The following SLC5A12 variants were observed in gnomAD, a reference collection of about 807,000 sequenced individuals.
SLC5A12 encodes the protein solute carrier family 5 member 12.
SLC5A12 carries 46 observed loss-of-function variants against 72.7 expected under a neutral mutation model. The observed-to-expected ratio is 0.63, with a 90% CI of 0.50 to 0.81. SLC5A12 has a LOEUF of 0.81. Ranked by LOEUF, SLC5A12 falls within the 30% of genes least tolerant of loss-of-function variation. The pLI is 0.00. For synonymous variants in SLC5A12, 275 were observed against 264.4 expected, an observed-to-expected ratio of 1.04 and a Z score of -0.39; for missense variants, 683 against 740.7, an observed-to-expected ratio of 0.92 and a Z score of 0.90.
chr11:26,716,900 T>C (rs1855363406), intron 1 of SLC5A12, among the ~76,000 whole-genome samples: 1 of 152,130 alleles, frequency 6.6e-6, no homozygotes, highest in Non-Finnish European at 1.5e-5. Context: ...CCTCTTAACA[T>C]ACAAATCCCA....
chr11:26,718,952 A>G lies in SLC5A12; in HGVS notation c.339+2424T>C, dbSNP rs750875931. Among the ~76,000 whole-genome samples the G allele has an allele frequency of 5.3e-4, 81 of 152,200 alleles. 2 individuals are homozygous for G. The highest frequency in any genetic ancestry group is 1.9e-4 in the Non-Finnish European group (13 of 68,038). ...GGCAAAAATAGTAAATATTTTAAAA[A>G]CAATTTAGTAAATTAAATTCAATGA... On this transcript the variant is annotated intron_variant, in intron 1 of 14. Transcript: ENST00000396005.
intron 4 of SLC5A12, among the ~76,000 whole-genome samples, chr11:26,704,821 T>C (rs1293221778): frequency 6.6e-6 from 1 of 152,038 alleles, no homozygotes; most frequent in Non-Finnish European, 1.5e-5. Context: ...CTAGAAACAC[T>C]CTTTGCAAAA....
chr11:26,671,508 A>G (rs1854142641), intron 14 of SLC5A12, among the ~76,000 whole-genome samples: 2 of 152,114 alleles, frequency 1.3e-5, no homozygotes, highest in African/African-American at 4.8e-5. Context: ...GAAGAAATTT[A>G]TATACCTCTC....
Position 26,704,263 on chromosome 11 carries a change from G to C in SLC5A12, c.526-316C>G, listed in dbSNP as rs540671530. 1.1e-4 allele frequency among the ~76,000 whole-genome samples: 16 copies of C among 152,276 alleles called. No individual in the cohort carries two copies. The South Asian group carries it at 3.3e-3, about 32-fold the overall frequency. The stretch of plus-strand genomic sequence containing the variant: ...TTACTATAGGAGCATAAAACAGGGA[G>C]CCCTGACCTGGTCTTGAGGAAATGA... On this transcript the variant is annotated intron_variant, in intron 4 of 14. Transcript: ENST00000396005.
intron 10 of SLC5A12, among the ~76,000 whole-genome samples, chr11:26,686,175 A>G (rs1237682170): frequency 6.6e-6 from 1 of 152,154 alleles, no homozygotes; most frequent in Non-Finnish European, 1.5e-5. Context: ...AAATTCTCAG[A>G]TCAGAATTTT....
intron 4 of SLC5A12, among the ~76,000 whole-genome samples, chr11:26,706,440 G>A (rs80287559): frequency 0.034 from 5,121 of 151,974 alleles, 278 homozygotes; most frequent in African/African-American, 0.11. Context: ...CCAGTTAGAA[G>A]GTAGTTTATT....
chr11:26,672,860 C>T (rs1590703354), intron 14 of SLC5A12, among the ~76,000 whole-genome samples: 1 of 152,242 alleles, frequency 6.6e-6, no homozygotes, highest in Admixed American at 6.5e-5. Flanking sequence ...TTTGCCTGTA[C>T]ATTCCCACCA....
chr11:26,673,407 C>T lies in SLC5A12; in HGVS notation c.1702G>A (p.Glu568Lys). 6.3e-7 allele frequency: 1 copy of T among 1,583,154 alleles called. No homozygotes were observed. Among genetic ancestry groups the T allele is most frequent in the Non-Finnish European group, 8.6e-7 (1 of 1,166,000 alleles). The change falls in exon 14 of 15, where the codon GAG (glutamate) becomes AAG (lysine). Residue 568 changes from glutamate to lysine, a missense_variant. By Grantham distance (56) the Glu-to-Lys change is moderately conservative (BLOSUM62 1). Transcript: ENST00000396005. ...WCGVQHDSGT[E>K]QENLENGSAR... ...AAGCTCAAACATCAGCTCACCTGCTCTGTCCCACTGTCATGCTGAACTCCA... is the reference window on the plus strand; with the variant it reads ...AAGCTCAAACATCAGCTCACCTGCTTTGTCCCACTGTCATGCTGAACTCCA...
rs1000696787 is a variant in SLC5A12 at position 26,669,124 on chromosome 11, CTGT to C, written c.*1975_*1977del. The C allele has an allele frequency of 3.5e-5, 5 of 143,650 alleles. No individual in the cohort carries two copies. Among genetic ancestry groups the C allele is most frequent in the East Asian group, 2.3e-4 (1 of 4,404 alleles). The allele number at this position is 143,650 out of a possible 1,614,324, so 8.9% of individuals were successfully genotyped here. A position where few individuals can be genotyped will look rare whatever the true frequency, so the allele number is the denominator to read the frequency against. On this transcript the variant is annotated 3_prime_UTR_variant, in exon 15 of 15. Transcript: ENST00000396005. ...TAATTTATTCTCATCCTCAGAATTG[CTGT>C]TTTTTTATTCTTTCTGTCTCTCTCT... is the stretch of plus-strand genomic sequence containing the variant.
At chr11:26,696,823 A>T (rs776287747) in intron 8 of SLC5A12, among the ~76,000 whole-genome samples, 2 of 152,226 alleles carry the variant, frequency 1.3e-5, no homozygotes, top group Non-Finnish European at 2.9e-5. Flanking sequence ...TGTAAAGGTG[A>T]TACAAAAGTG....
intron 6 of SLC5A12, among the ~76,000 whole-genome samples, chr11:26,701,783 C>CAT (rs1448534017): frequency 1.3e-5 from 2 of 152,072 alleles, no homozygotes; most frequent in South Asian, 2.1e-4. Context: ...TACACACTCA[C>CAT]ATATATATAT....
chr11:26,710,518 AC>A (rs1855199412), intron 3 of SLC5A12, among the ~76,000 whole-genome samples: 1 of 151,488 alleles, frequency 6.6e-6, no homozygotes, highest in South Asian at 2.1e-4. Flanking sequence ...GTTGTTTCCT[AC>A]CTTTTTAATG....
rs1169288780 is a variant in SLC5A12, at chr11:26,667,456, G to T, written c.*3646C>A. ...TTGTTTCTCTTTAGAATGAAATGGTGTAACCCTATAAAGCCACAAAATAGT... is the reference window on the plus strand; with the variant it reads ...TTGTTTCTCTTTAGAATGAAATGGTTTAACCCTATAAAGCCACAAAATAGT... On this transcript the variant is annotated 3_prime_UTR_variant, in exon 15 of 15. Coordinates refer to ENST00000396005, the MANE Select transcript of SLC5A12 (RefSeq NM_178498.4). 6.6e-6 allele frequency: 1 copy of T among 151,908 alleles called. No homozygotes were observed. Among genetic ancestry groups the T allele is most frequent in the Non-Finnish European group, 1.5e-5 (1 of 67,886 alleles). The allele number at this position is 151,908 out of a possible 1,614,324, so 9.4% of individuals were successfully genotyped here.
rs1002979672 is a variant in SLC5A12, at chr11:26,673,365, T to A, written c.1707+37A>T. The stretch of plus-strand genomic sequence containing the variant: ...GGGCAAAACCAGGAATCCCTTTGAG[T>A]CCATACACATTTTTAGAAGCTCAAA... On this transcript the variant is annotated intron_variant, in intron 14 of 14. Transcript: ENST00000396005. The A allele has an allele frequency of 2.0e-6, 3 of 1,495,560 alleles. No individual in the cohort carries two copies. In the African/African-American group the frequency reaches 4.3e-5, roughly 21 times the overall value. The allele number at this position is 1,495,560 out of a possible 1,614,324, so 92.6% of individuals were successfully genotyped here.
rs533662512 is a variant in SLC5A12 at position 26,689,360 on chromosome 11, A to C, written c.1154-2816T>G. 4.3e-4 allele frequency among the ~76,000 whole-genome samples: 66 copies of C among 152,242 alleles called. No homozygotes were observed. The South Asian group carries it at 0.013, about 30-fold the overall frequency. On this transcript the variant is annotated intron_variant, in intron 9 of 14. Coordinates refer to ENST00000396005, the MANE Select transcript of SLC5A12 (RefSeq NM_178498.4). ...TGGCAGTGAGTCGAGATATCGCACC[A>C]CTGCATTCCAGCCTGGGTAACAAGA...
chr11:26,688,550 CA>C (rs1854591709), intron 9 of SLC5A12, among the ~76,000 whole-genome samples: 1 of 151,892 alleles, frequency 6.6e-6, no homozygotes, highest in Non-Finnish European at 1.5e-5. Flanking sequence ...AAAATGTTGC[CA>C]AAAATGGGAA....
chr11:26,711,319 C>T lies in SLC5A12; in HGVS notation c.445G>A (p.Ala149Thr). Residue 149 changes from alanine (A) to threonine (T), a missense_variant, in exon 3 of 15, where the codon GCA becomes ACA. Physicochemically the swap from Ala to Thr is moderately conservative, Grantham distance 58. Coordinates refer to ENST00000396005, the MANE Select transcript of SLC5A12 (RefSeq NM_178498.4). Reference sequence around the variant, plus strand: ...GCTGATAACTCACCTTGATTGAGTGCCAGGGCAGGAGCATACACCACCACT... The same window carrying T: ...GCTGATAACTCACCTTGATTGAGTGTCAGGGCAGGAGCATACACCACCACT... ...TGVVVYAPAL[A>T]LNQVTGFDLW... 6.2e-7 allele frequency: 1 copy of T among 1,611,494 alleles called. No homozygotes were observed.
chr11:26,711,266 T>C, intron 3 of SLC5A12, 41 bp downstream of exon 3: 2 of 1,566,828 alleles, frequency 1.3e-6, no homozygotes, highest in Non-Finnish European at 1.8e-6. Flanking sequence ...AATTCAGGCA[T>C]AAAAATGGTA....
chr11:26,673,052 A>G (rs1274731366), intron 14 of SLC5A12, among the ~76,000 whole-genome samples: 1 of 152,152 alleles, frequency 6.6e-6, no homozygotes, highest in Non-Finnish European at 1.5e-5. Context: ...GTCTGACGCT[A>G]AAGTCCATGC....
Sources: gnomAD v4.1 joint callset for allele counts (sites outside exome capture counted in the v4.1 genomes callset) on GRCh38, gnomAD v4.1.1 for gene constraint, MANE v1.5 for transcripts, NCBI Gene and HGNC (gene_info 2026-07-23, HGNC 2026-07-21) for gene names.